Variants in CMSS1 observed in about 807,000 individuals in gnomAD.
CMSS1 encodes cms1 ribosomal small subunit homolog, also known as protein CMSS1.
A neutral mutation model predicts 43.5 loss-of-function variants in CMSS1; 33 were observed. The observed-to-expected ratio is 0.76, with a 90% CI of 0.57 to 1.01. The LOEUF (loss-of-function observed/expected upper bound fraction) is 1.01, where lower values mean the gene tolerates loss of function less well. Ranked by LOEUF, CMSS1 falls within the 50% of genes least tolerant of loss-of-function variation. The pLI, the probability that CMSS1 is intolerant of heterozygous loss-of-function variation, is 0.00. For synonymous variants in CMSS1, 115 were observed against 117.2 expected (o/e 0.98, Z 0.12); for missense variants, 313 against 326.4 (o/e 0.96, Z 0.32).
chr3:100,124,652 A>G (rs1213202072), intron 1 of CMSS1, among the ~76,000 whole-genome samples: 42 of 152,094 alleles, frequency 2.8e-4, no homozygotes, highest in Non-Finnish European at 1.5e-5. Context: ...TTGCTTGAAC[A>G]TCAAGGACAT....
At chr3:99,997,070 C>T (rs1484814122) in intron 1 of CMSS1, among the ~76,000 whole-genome samples, 1 of 152,032 alleles carries the variant, frequency 6.6e-6, no homozygotes, top group African/African-American at 2.4e-5. Context: ...AACCTAACAT[C>T]ACAAACTAAA....
At chr3:99,849,521 C>A in intron 1 of CMSS1, 1 of 1,613,320 alleles carries the variant, frequency 6.2e-7, no homozygotes, top group Non-Finnish European at 8.5e-7. Flanking sequence ...AATGCATCCA[C>A]TTCTCTTGAG....
chr3:99,909,629 A>G (rs1256024080), intron 1 of CMSS1, among the ~76,000 whole-genome samples: 1 of 152,208 alleles, frequency 6.6e-6, no homozygotes, highest in Non-Finnish European at 1.5e-5. Context: ...AAGAAATAAT[A>G]ATACTGCTAA....
Position 100,171,914 on chromosome 3 carries a change from G to A in CMSS1, c.579+15G>A. On this transcript the variant is annotated intron_variant, in intron 7 of 9. Transcript: ENST00000421999. ...AGCACATAAAGGTAAGCAAGGGCCTGTGTGATCCCTAAAGGCCTCTCCCAG... is the reference window on the plus strand; with the variant it reads ...AGCACATAAAGGTAAGCAAGGGCCTATGTGATCCCTAAAGGCCTCTCCCAG... 2 of 1,606,104 alleles carry A rather than the reference G, an allele frequency of 1.2e-6. No homozygotes were observed. The highest frequency in any genetic ancestry group is 2.2e-5 in the East Asian group (1 of 44,840).
At chr3:100,107,064 C>T (rs1004433282) in intron 1 of CMSS1, among the ~76,000 whole-genome samples, 3 of 152,076 alleles carry the variant, frequency 2.0e-5, no homozygotes, top group African/African-American at 7.2e-5. Context: ...AAATTTGTAG[C>T]TACCAGTTCA....
chr3:100,124,966 G>A (rs2066652098), intron 1 of CMSS1, among the ~76,000 whole-genome samples: 1 of 152,048 alleles, frequency 6.6e-6, no homozygotes, highest in Non-Finnish European at 1.5e-5. Flanking sequence ...ACTGCTTGAC[G>A]CTTCCCTTTG....
At position 100,034,236 on chromosome 3, in the gene CMSS1, A is replaced by T. The variant is rs564868066; in HGVS notation, c.65-112737A>T. Among the ~76,000 whole-genome samples the T allele has an allele frequency of 2.6e-5, 4 of 152,328 alleles. No individual in the cohort carries two copies. The East Asian group carries it at 7.7e-4, about 29-fold the overall frequency. On this transcript the variant is annotated intron_variant, in intron 1 of 9. Transcript: ENST00000421999. Reference sequence around the variant, plus strand: ...AGACTGTCTCAAAAGTATATCCAGGAACTCAGAATGGGGGGAAAAAGCTGC... The same window carrying T: ...AGACTGTCTCAAAAGTATATCCAGGTACTCAGAATGGGGGGAAAAAGCTGC...
intron 1 of CMSS1, among the ~76,000 whole-genome samples, chr3:99,985,658 G>T (rs1423180085): frequency 1.3e-5 from 2 of 151,298 alleles, no homozygotes; most frequent in Non-Finnish European, 2.9e-5. Flanking sequence ...GCATGATCTC[G>T]GCTCACTGCA....
chr3:99,854,830 C>T lies in CMSS1; in HGVS notation c.64+36787C>T, dbSNP rs78220145. ...TTAAACAGGTGCAACTGAGAGCTCC[C>T]ACCTGAATTACATGTACACCTGGTG... On this transcript the variant is annotated intron_variant, in intron 1 of 9. Transcript: ENST00000421999. 6.8e-4 allele frequency among the ~76,000 whole-genome samples: 103 copies of T among 152,292 alleles called. 1 individual carries two copies. The highest frequency in any genetic ancestry group is 5.8e-3 in the East Asian group (30 of 5,194).
intron 1 of CMSS1, among the ~76,000 whole-genome samples, chr3:99,903,741 G>T (rs1316983416): frequency 6.6e-6 from 1 of 152,048 alleles, no homozygotes; most frequent in East Asian, 1.9e-4. Flanking sequence ...TGGGACCCTG[G>T]GCTGGTTGGA....
chr3:100,172,858 T>C (rs2067121616), intron 8 of CMSS1, among the ~76,000 whole-genome samples: 1 of 152,214 alleles, frequency 6.6e-6, no homozygotes, highest in Admixed American at 6.5e-5. Context: ...TTTTAGTGCT[T>C]TACAGAAAGT....
At chr3:99,909,892 C>T (rs945114381) in intron 1 of CMSS1, among the ~76,000 whole-genome samples, 2 of 152,114 alleles carry the variant, frequency 1.3e-5, no homozygotes, top group African/African-American at 4.8e-5. Flanking sequence ...CTTGAGTGAA[C>T]CCTTCATATT....
Position 100,060,498 on chromosome 3 carries a change from G to GA in CMSS1, c.65-86465dup, listed in dbSNP as rs112558785. Among the ~76,000 whole-genome samples the GA allele has an allele frequency of 1.7e-3, 248 of 148,054 alleles. 1 individual carries two copies. Among genetic ancestry groups the GA allele is most frequent in the African/African-American group, 5.4e-3 (219 of 40,374 alleles). The stretch of plus-strand genomic sequence containing the variant: ...ACATTAGAATAGCATCTTCACCCAA[G>GA]AAAAAAAAAATACATAAAAATGCTT... On this transcript the variant is annotated intron_variant, in intron 1 of 9. Coordinates refer to ENST00000421999, the MANE Select transcript of CMSS1 (RefSeq NM_032359.4).
At chr3:100,034,665 A>G (rs528748926) in intron 1 of CMSS1, among the ~76,000 whole-genome samples, 64 of 152,314 alleles carry the variant, frequency 4.2e-4, no homozygotes, top group African/African-American at 1.4e-3. Flanking sequence ...TAGGTAAGAC[A>G]GTGAGTTTAG....
At chr3:99,924,612 G>A in intron 1 of CMSS1, among the ~76,000 whole-genome samples, 1 of 152,116 alleles carries the variant, frequency 6.6e-6, no homozygotes, top group Non-Finnish European at 1.5e-5. Context: ...TCCGCCTCCC[G>A]GGTTTAAGCG....
intron 1 of CMSS1, among the ~76,000 whole-genome samples, chr3:99,955,415 G>A (rs544061627): frequency 5.3e-5 from 8 of 152,198 alleles, no homozygotes; most frequent in Non-Finnish European, 1.2e-4. Flanking sequence ...TTTTTTTAGC[G>A]AAGGCATTTA....
intron 1 of CMSS1, among the ~76,000 whole-genome samples, chr3:100,009,455 G>C (rs1029147196): frequency 6.6e-6 from 1 of 152,142 alleles, no homozygotes; most frequent in Non-Finnish European, 1.5e-5. Flanking sequence ...AGACTAGAGG[G>C]CTGGGGTGAC....
At chr3:99,892,918 G>T (rs1706130856) in intron 1 of CMSS1, among the ~76,000 whole-genome samples, 1 of 152,076 alleles carries the variant, frequency 6.6e-6, no homozygotes, top group South Asian at 2.1e-4. Flanking sequence ...CGTACTATTG[G>T]CCTGTATTTT....
At chr3:99,890,556 C>T (rs974779376) in intron 1 of CMSS1, among the ~76,000 whole-genome samples, 1 of 152,110 alleles carries the variant, frequency 6.6e-6, no homozygotes, top group Non-Finnish European at 1.5e-5. Context: ...ATCTGTTTGG[C>T]TTTCCAGACT....
Sources: gnomAD v4.1 joint callset for allele counts (sites outside exome capture counted in the v4.1 genomes callset) on GRCh38, gnomAD v4.1.1 for gene constraint, MANE v1.5 for transcripts, NCBI Gene and HGNC (gene_info 2026-07-23, HGNC 2026-07-21) for gene names.